Variants in CEP104 observed in about 807,000 individuals in gnomAD.
The protein encoded by CEP104 is centrosomal protein 104.
In CEP104, 84 loss-of-function variants were observed where a neutral mutation model predicts 113.3. That is an observed-to-expected ratio of 0.74 (90% CI 0.62 to 0.89). The LOEUF (loss-of-function observed/expected upper bound fraction) is 0.89. Among genes scored for constraint, CEP104 ranks in the 40% least tolerant of loss-of-function variants. The pLI, the probability that CEP104 is intolerant of heterozygous loss-of-function variation, is 0.00. For missense variants in CEP104, 1,053 were observed against 1,156.6 expected (o/e 0.91, Z 1.30); for synonymous variants, 378 against 421.7 (o/e 0.90, Z 1.27).
intron 20 of CEP104, among the ~76,000 whole-genome samples, chr1:3,817,339 C>T (rs1241903550): frequency 6.6e-6 from 1 of 152,150 alleles, no homozygotes; most frequent in Non-Finnish European, 1.5e-5. Context: ...GAGACTCCAT[C>T]TCAAAAACAA....
At chr1:3,841,300 TC>T (rs1644407542) in intron 6 of CEP104, among the ~76,000 whole-genome samples, 2 of 151,778 alleles carry the variant, frequency 1.3e-5, no homozygotes. Flanking sequence ...CTCTGGCATC[TC>T]CCCACCCTTG....
intron 3 of CEP104, among the ~76,000 whole-genome samples, chr1:3,848,304 G>A (rs1162621956): frequency 3.3e-5 from 5 of 151,920 alleles, no homozygotes; most frequent in Non-Finnish European, 7.4e-5. Flanking sequence ...AGGTCGAGGC[G>A]GGCGGATCAC....
At chr1:3,852,187 G>T in intron 2 of CEP104, 108 bp downstream of exon 2, 2 of 1,061,922 alleles carry the variant, frequency 1.9e-6, no homozygotes, top group Non-Finnish European at 2.6e-6. Context: ...TGGTCCTGAT[G>T]TCCGAGTGAT....
At chr1:3,816,023 C>T (rs539686658) in intron 21 of CEP104, 64 of 444,454 alleles carry the variant, frequency 1.4e-4, no homozygotes, top group Admixed American at 6.7e-4. Flanking sequence ...GAGCGGAGGA[C>T]GGGAGTGTGA....
At chr1:3,848,874 CCA>C in intron 2 of CEP104, 93 bp from the exon 3 acceptor site, 1 of 941,010 alleles carries the variant, frequency 1.1e-6, no homozygotes, top group Non-Finnish European at 1.6e-6. Context: ...GAAGCATTAA[CCA>C]CACACCCACT....
intron 2 of CEP104, 149 bp downstream of exon 2, chr1:3,852,146 A>G (rs917278325): frequency 8.0e-5 from 52 of 649,354 alleles, no homozygotes; most frequent in Admixed American, 3.9e-4. Context: ...ATAAACAGAA[A>G]GAGATGCCTG....
chr1:3,823,098 A>C lies in CEP104; in HGVS notation c.2571+76T>G, dbSNP rs1570773616. ...TCTGTGGCTATGGTCCCGCACTGAC[A>C]CCACCACTGTCACCACCACTGCCAT... On this transcript the variant is annotated intron_variant, in intron 20 of 21. Transcript: ENST00000378230. This position sits in a 1 kb window ranked among gnomAD's most constrained non-coding sequence, Gnocchi z 4.1. 7.2e-7 allele frequency: 1 copy of C among 1,383,874 alleles called. No individual in the cohort carries two copies. Among genetic ancestry groups the C allele is most frequent in the Non-Finnish European group, 1.0e-6 (1 of 974,342 alleles). The allele number at this position is 1,383,874 out of a possible 1,614,324, so 85.7% of individuals were successfully genotyped here.
Position 3,834,958 on chromosome 1 carries a change from G to C in CEP104, c.1452C>G (p.Leu484=). 6.2e-7 allele frequency: 1 copy of C among 1,605,746 alleles called. No homozygotes were observed. Residue 484 remains leucine, a synonymous_variant, in exon 11 of 22, where the codon CTC becomes CTG. Coordinates refer to ENST00000378230, the MANE Select transcript of CEP104 (RefSeq NM_014704.4). ...CAATGTCCTTTATGGCTCTTCTAACGAGAAAGACGGATGCTCTCAGTGTGT... is the reference window on the plus strand; with the variant it reads ...CAATGTCCTTTATGGCTCTTCTAACCAGAAAGACGGATGCTCTCAGTGTGT... ...LKNTLRASVF[L]VRRAIKDIVT... is the part of the protein sequence containing the mutation.
intron 11 of CEP104, among the ~76,000 whole-genome samples, chr1:3,834,526 G>T (rs879283768): frequency 6.6e-6 from 1 of 152,176 alleles, no homozygotes; most frequent in East Asian, 1.9e-4. Context: ...AAGCCCAACT[G>T]TGCAATGTCC....
chr1:3,831,746 C>T (rs1644212463), intron 12 of CEP104, among the ~76,000 whole-genome samples: 1 of 152,152 alleles, frequency 6.6e-6, no homozygotes, highest in South Asian at 2.1e-4. Context: ...ATATTTATCA[C>T]TTAATTAACC....
intron 15 of CEP104, among the ~76,000 whole-genome samples, chr1:3,828,630 G>A (rs1464956321): frequency 2.6e-5 from 4 of 152,080 alleles, no homozygotes; most frequent in Non-Finnish European, 2.9e-5. Flanking sequence ...TCATTCACCT[G>A]GCACGGCTGA....
intron 20 of CEP104, among the ~76,000 whole-genome samples, chr1:3,822,596 A>C (rs72847435): frequency 0.036 from 5,485 of 152,208 alleles, 361 homozygotes; most frequent in African/African-American, 0.13. Flanking sequence ...GGGCCAGAAT[A>C]ATTGCCACGG....
At chr1:3,854,974 T>G (rs1268107053) in intron 1 of CEP104, among the ~76,000 whole-genome samples, 1 of 149,274 alleles carries the variant, frequency 6.7e-6, no homozygotes, top group Admixed American at 6.8e-5. Flanking sequence ...TGGGTTCAAG[T>G]GATTCTCCCG....
intron 15 of CEP104, among the ~76,000 whole-genome samples, chr1:3,827,224 T>C (rs908459201): frequency 5.3e-5 from 8 of 152,160 alleles, no homozygotes; most frequent in Admixed American, 3.3e-4. Flanking sequence ...TTTGTTCTTA[T>C]TATCATTATT....
At chr1:3,835,657 C>G (rs1644295409) in intron 10 of CEP104, among the ~76,000 whole-genome samples, 1 of 152,224 alleles carries the variant, frequency 6.6e-6, no homozygotes, top group Admixed American at 6.5e-5. Flanking sequence ...AGGCGTGAGC[C>G]ACTGCGCCTG....
rs1352206617 is a variant in CEP104, at chr1:3,823,603, G to A, written c.2365-41C>T. On this transcript the variant is annotated intron_variant, in intron 18 of 21. Transcript: ENST00000378230. The surrounding 1 kb of genome is among the most constrained non-coding windows in gnomAD (Gnocchi z 4.1). Reference sequence around the variant, plus strand: ...CAGAGCAAAGCATGTTGCTGAGAAAGCGGCAGCGCCCTCCAGCCAGCCTGC... The same window carrying A: ...CAGAGCAAAGCATGTTGCTGAGAAAACGGCAGCGCCCTCCAGCCAGCCTGC... The A allele has an allele frequency of 3.1e-6, 5 of 1,613,172 alleles. No individual in the cohort carries two copies. The highest frequency in any genetic ancestry group is 4.2e-6 in the Non-Finnish European group (5 of 1,179,588).
intron 13 of CEP104, among the ~76,000 whole-genome samples, chr1:3,830,314 T>C (rs1459337117): frequency 1.3e-5 from 2 of 152,120 alleles, no homozygotes; most frequent in African/African-American, 2.4e-5. Context: ...GCGTAGCCGA[T>C]GTGCAGATTT....
At chr1:3,832,160 A>G (rs1644220085) in intron 12 of CEP104, among the ~76,000 whole-genome samples, 2 of 152,256 alleles carry the variant, frequency 1.3e-5, no homozygotes, top group Admixed American at 1.3e-4. Flanking sequence ...CATTTGCAAC[A>G]TATCTTTTGA....
At chr1:3,844,410 A>G (rs531037473) in intron 6 of CEP104, among the ~76,000 whole-genome samples, 2 of 152,266 alleles carry the variant, frequency 1.3e-5, no homozygotes, top group South Asian at 4.1e-4. Context: ...GCTCAGGAGA[A>G]TTGCTTGAAC....
Sources: allele counts gnomAD v4.1 joint callset (sites outside exome capture counted in the v4.1 genomes callset), GRCh38; gene constraint gnomAD v4.1.1; non-coding constraint Gnocchi (gnomAD v3.1); transcripts MANE v1.5; gene names NCBI Gene and HGNC (gene_info 2026-07-23, HGNC 2026-07-21).